VAV3: variants seen among roughly 807,000 people sequenced by gnomAD.
The protein encoded by VAV3 is vav guanine nucleotide exchange factor 3.
In VAV3, 94 loss-of-function variants were observed where a neutral mutation model predicts 131.2. The observed-to-expected ratio is 0.72, with a 90% CI of 0.61 to 0.85. The LOEUF is 0.85. Ranked by LOEUF, VAV3 falls within the 40% of genes least tolerant of loss-of-function variation. The pLI, the probability that VAV3 is intolerant of heterozygous loss-of-function variation, is 0.00. For missense variants in VAV3, 939 were observed against 1,002.7 expected (o/e 0.94, Z 0.86); for synonymous variants, 349 against 342.0 (o/e 1.02, Z -0.22).
At chr1:107,937,510 T>C (rs760183074) in intron 1 of VAV3, among the ~76,000 whole-genome samples, 10 of 152,242 alleles carry the variant, frequency 6.6e-5, no homozygotes, top group Non-Finnish European at 1.3e-4. Context: ...TGGTATCCTC[T>C]ACTATTTGAG....
At chr1:107,957,389 C>T (rs905088989) in intron 1 of VAV3, among the ~76,000 whole-genome samples, 1 of 152,166 alleles carries the variant, frequency 6.6e-6, no homozygotes, top group South Asian at 2.1e-4. Context: ...ATCCAATCCA[C>T]CCCTCTCTAT....
At position 107,663,604 on chromosome 1, in the gene VAV3, G is replaced by A. The variant is rs949414203; in HGVS notation, c.1777+19884C>T. Among the ~76,000 whole-genome samples, 5 of 152,282 alleles carry A rather than the reference G, an allele frequency of 3.3e-5. No individual in the cohort carries two copies. In the South Asian group the frequency reaches 6.2e-4, roughly 19 times the overall value. The stretch of plus-strand genomic sequence containing the variant: ...ATGATTCAAGATAATTGCCTATAAA[G>A]TGGTCAGAGCTTCAAAGAAAAAAAT... On this transcript the variant is annotated intron_variant, in intron 19 of 26. Coordinates refer to ENST00000370056, the MANE Select transcript of VAV3 (RefSeq NM_006113.5).
At chr1:107,915,791 C>T (rs1418363431) in intron 1 of VAV3, among the ~76,000 whole-genome samples, 1 of 152,134 alleles carries the variant, frequency 6.6e-6, no homozygotes, top group African/African-American at 2.4e-5. Context: ...TACTGCAATG[C>T]ATCTTTAGTG....
chr1:107,612,571 G>C (rs771159933), intron 21 of VAV3, among the ~76,000 whole-genome samples: 12 of 151,822 alleles, frequency 7.9e-5, no homozygotes, highest in Non-Finnish European at 1.3e-4. Context: ...GAAATCACAG[G>C]GTTGATCTCC....
intron 1 of VAV3, among the ~76,000 whole-genome samples, chr1:107,955,619 C>A (rs954143982): frequency 2.0e-5 from 3 of 152,056 alleles, no homozygotes; most frequent in African/African-American, 7.2e-5. Context: ...GAAGACAATA[C>A]AAAGATGACT....
intron 1 of VAV3, among the ~76,000 whole-genome samples, chr1:107,952,436 C>T (rs1674585631): frequency 7.1e-6 from 1 of 140,876 alleles, no homozygotes; most frequent in Admixed American, 7.2e-5. Context: ...TGTAACAAAC[C>T]TGCACATGTG....
At chr1:107,941,014 C>G (rs1051113788) in intron 1 of VAV3, among the ~76,000 whole-genome samples, 1 of 151,100 alleles carries the variant, frequency 6.6e-6, no homozygotes, top group African/African-American at 2.4e-5. Context: ...AAACCCTCAA[C>G]TAGAAGAAAT....
At chr1:107,637,042 A>C (rs1654983489) in intron 20 of VAV3, among the ~76,000 whole-genome samples, 1 of 152,150 alleles carries the variant, frequency 6.6e-6, no homozygotes, top group Admixed American at 6.5e-5. Context: ...TAAAGCCAAA[A>C]TCTGGTTCTA....
At chr1:107,878,801 G>C (rs1670630399) in intron 1 of VAV3, among the ~76,000 whole-genome samples, 1 of 152,130 alleles carries the variant, frequency 6.6e-6, no homozygotes, top group Admixed American at 6.5e-5. Flanking sequence ...CAGGGGTGAA[G>C]ATGTGGTACC....
At chr1:107,831,163 G>A (rs1468153585) in intron 2 of VAV3, among the ~76,000 whole-genome samples, 6 of 151,080 alleles carry the variant, frequency 4.0e-5, no homozygotes, top group South Asian at 4.2e-4. Context: ...CGGGTTTTGT[G>A]AGTTTAAAAA....
chr1:107,949,803 G>A (rs1284803928), intron 1 of VAV3, among the ~76,000 whole-genome samples: 6 of 152,156 alleles, frequency 3.9e-5, no homozygotes, highest in Non-Finnish European at 8.8e-5. Context: ...ACTGAACTAA[G>A]TTTACTAACT....
chr1:107,712,180 T>C (rs141789256), intron 15 of VAV3, among the ~76,000 whole-genome samples: 21 of 152,296 alleles, frequency 1.4e-4, no homozygotes, highest in African/African-American at 5.1e-4. Context: ...TGACAAATGA[T>C]TATAAAATAC....
chr1:107,607,010 A>G (rs1423969710), intron 22 of VAV3, among the ~76,000 whole-genome samples: 2 of 149,784 alleles, frequency 1.3e-5, no homozygotes, highest in Non-Finnish European at 3.0e-5. Flanking sequence ...GCTGGTGTGC[A>G]GTGGTGTGAT....
chr1:107,719,808 C>T (rs1157049409), intron 15 of VAV3, among the ~76,000 whole-genome samples: 2 of 152,156 alleles, frequency 1.3e-5, no homozygotes, highest in African/African-American at 4.8e-5. Context: ...TGGAACCAAC[C>T]CAAATGTCCA....
chr1:107,831,508 T>C (rs542390555), intron 2 of VAV3, among the ~76,000 whole-genome samples: 1 of 152,330 alleles, frequency 6.6e-6, no homozygotes, highest in Non-Finnish European at 1.5e-5. Flanking sequence ...AATGATCTTT[T>C]CTCTCCTCAC....
chr1:107,740,070 T>C (rs908963459), intron 15 of VAV3, among the ~76,000 whole-genome samples: 3 of 152,220 alleles, frequency 2.0e-5, no homozygotes, highest in Non-Finnish European at 4.4e-5. Flanking sequence ...GCGGATCACC[T>C]GAGGTCAGAA....
intron 2 of VAV3, among the ~76,000 whole-genome samples, chr1:107,841,870 T>A (rs1668726920): frequency 6.6e-6 from 1 of 152,180 alleles, no homozygotes; most frequent in Non-Finnish European, 1.5e-5. Flanking sequence ...TGATTACATG[T>A]TTAAATGATA....
intron 19 of VAV3, among the ~76,000 whole-genome samples, chr1:107,682,332 A>G (rs921995297): frequency 6.6e-6 from 1 of 152,222 alleles, no homozygotes; most frequent in Non-Finnish European, 1.5e-5. Context: ...TGAAACAGCA[A>G]TACTATAACT....
chr1:107,659,688 T>C (rs1656862687), intron 19 of VAV3, among the ~76,000 whole-genome samples: 1 of 152,226 alleles, frequency 6.6e-6, no homozygotes, highest in Non-Finnish European at 1.5e-5. Context: ...GAGCTTCTAC[T>C]ATACATCAGC....
Sources: allele counts gnomAD v4.1 joint callset (sites outside exome capture counted in the v4.1 genomes callset), GRCh38; gene constraint gnomAD v4.1.1; transcripts MANE v1.5; gene names NCBI Gene and HGNC (gene_info 2026-07-23, HGNC 2026-07-21).